PURG: variants seen among roughly 807,000 people sequenced by gnomAD.
PURG encodes the protein purine-rich element-binding protein gamma.
Under a neutral mutation model 24.3 loss-of-function variants are expected in PURG, and 3 were observed. That is an observed-to-expected ratio of 0.12 (90% CI 0.06 to 0.32). PURG has a LOEUF of 0.32. PURG is among the 10% of genes least tolerant of loss of function. The pLI, the probability that PURG is intolerant of heterozygous loss-of-function variation, is 1.00. For missense variants in PURG, 371 were observed against 439.1 expected (o/e 0.84, Z 1.39); for synonymous variants, 180 against 173.1 (o/e 1.04, Z -0.31).
intron 1 of PURG, among the ~76,000 whole-genome samples, chr8:31,009,802 AC>A (rs1368766052): frequency 1.3e-5 from 2 of 152,162 alleles, no homozygotes; most frequent in Non-Finnish European, 2.9e-5. Flanking sequence ...ATTTCATAAA[AC>A]CTGGATCATT....
intron 1 of PURG, among the ~76,000 whole-genome samples, chr8:31,012,749 G>C (rs564295069): frequency 6.6e-6 from 1 of 152,356 alleles, no homozygotes; most frequent in African/African-American, 2.4e-5. Context: ...AGAAGGCATA[G>C]AGCCAAGGCT....
At position 31,032,158 on chromosome 8, in the gene PURG, T is replaced by A; in HGVS notation, c.625A>T (p.Ile209Leu). 1 of 1,614,216 alleles carries A rather than the reference T, an allele frequency of 6.2e-7. No individual in the cohort carries two copies. Among genetic ancestry groups the A allele is most frequent in the Non-Finnish European group, 8.5e-7 (1 of 1,180,026 alleles). The part of the protein sequence containing the change: ...RQTMMRGTGM[I>L]GYFGHSLGQE... Reference sequence around the variant, plus strand: ...CCCAAACTGTGGCCAAAATAACCTATCATGCCAGTCCCCCGCATCATGGTT... The same window carrying A: ...CCCAAACTGTGGCCAAAATAACCTAACATGCCAGTCCCCCGCATCATGGTT... The change falls in exon 2 of 2, where the codon ATA becomes TTA. Residue 209 changes from isoleucine (I) to leucine (L), a missense_variant. Coordinates refer to ENST00000523392, the MANE Select transcript of PURG (RefSeq NM_001323311.2). The surrounding 1 kb of genome is among the most constrained non-coding windows in gnomAD (Gnocchi z 5.9).
Position 31,016,588 on chromosome 8 carries a change from A to C in PURG, c.864+15331T>G, listed in dbSNP as rs1350449309. On this transcript the variant is annotated intron_variant, in intron 1 of 1. Coordinates refer to the PURG transcript ENST00000339382. ...TGCAAGTCTACCAAGAACCAAAAAAAAAAAAAAAAAAAAAAAAAAAAGAAA... is the reference window on the plus strand; with the variant it reads ...TGCAAGTCTACCAAGAACCAAAAAACAAAAAAAAAAAAAAAAAAAAAGAAA... Among the ~76,000 whole-genome samples the C allele has an allele frequency of 2.4e-4, 33 of 139,622 alleles. 1 individual carries two copies. Among genetic ancestry groups the C allele is most frequent in the South Asian group, 2.0e-3 (9 of 4,588 alleles). 91.6% of individuals were successfully genotyped at this position (139,622 alleles called of 152,430 possible).
rs116569481 is a variant in PURG, at chr8:31,002,203, C to T, written c.865-5506G>A. On this transcript the variant is annotated intron_variant, in intron 1 of 1. Coordinates refer to the PURG transcript ENST00000339382. ...GAAATTAGGGCAGGAAAGCTAAGAC[C>T]TGTAAAAAGATAATAATTATATTGA... Among the ~76,000 whole-genome samples the T allele has an allele frequency of 1.5e-3, 227 of 152,166 alleles. 1 individual carries two copies. The highest frequency in any genetic ancestry group is 5.2e-3 in the African/African-American group (214 of 41,506).
chr8:31,018,383 C>T (rs569399495), intron 1 of PURG, among the ~76,000 whole-genome samples: 27 of 152,272 alleles, frequency 1.8e-4, no homozygotes, highest in African/African-American at 6.3e-4. Context: ...TTATTAATTC[C>T]CTTTATGCAT....
intron 1 of PURG, among the ~76,000 whole-genome samples, chr8:31,021,666 T>C (rs1346125909): frequency 3.3e-5 from 5 of 152,156 alleles, no homozygotes; most frequent in Admixed American, 2.0e-4. Context: ...GAAAGGCAGT[T>C]TGGCCTAACT....
chr8:31,002,110 G>A (rs1311839758), intron 1 of PURG, among the ~76,000 whole-genome samples: 1 of 152,198 alleles, frequency 6.6e-6, no homozygotes, highest in African/African-American at 2.4e-5. Context: ...GACTATCAGA[G>A]GGAATGAAAA....
intron 1 of PURG, among the ~76,000 whole-genome samples, chr8:31,012,779 T>G (rs1197962004): frequency 6.6e-6 from 1 of 152,184 alleles, no homozygotes; most frequent in African/African-American, 2.4e-5. Context: ...CAGTGCATCA[T>G]CTCCATATCA....
intron 1 of PURG, among the ~76,000 whole-genome samples, chr8:31,023,992 T>C (rs1397831714): frequency 6.6e-6 from 1 of 152,144 alleles, no homozygotes; most frequent in Non-Finnish European, 1.5e-5. Context: ...AAAAAAGCAA[T>C]GCTCCTTCCA....
chr8:31,020,389 G>A (rs1810969883), intron 1 of PURG, among the ~76,000 whole-genome samples: 1 of 152,128 alleles, frequency 6.6e-6, no homozygotes, highest in African/African-American at 2.4e-5. Flanking sequence ...GGTCTTTTAA[G>A]TCCTAATATT....
chr8:30,998,965 A>C (rs1420405158), intron 1 of PURG, among the ~76,000 whole-genome samples: 1 of 151,898 alleles, frequency 6.6e-6, no homozygotes, highest in Middle Eastern at 3.2e-3. Context: ...CCAACACCTA[A>C]AGTTAAACAT....
rs1231061087 is a variant in PURG, at chr8:31,033,182, C to T, written c.-111G>A. On this transcript the variant is annotated 5_prime_UTR_variant, in exon 1 of 2. Transcript: ENST00000523392. Reference sequence around the variant, plus strand: ...TGCAGCCGCCGCAGCCGCCGCCCCCCGCCTCCTCCCCCGCCGCCGCCGCTC... The same window carrying T: ...TGCAGCCGCCGCAGCCGCCGCCCCCTGCCTCCTCCCCCGCCGCCGCCGCTC... The T allele has an allele frequency of 1.9e-5, 4 of 205,580 alleles. No homozygotes were observed. The highest frequency in any genetic ancestry group is 3.3e-4 in the South Asian group (2 of 6,108). 12.7% of individuals were successfully genotyped at this position (205,580 alleles called of 1,614,324 possible). A position where few individuals can be genotyped will look rare whatever the true frequency, so the allele number is the denominator to read the frequency against.
In PURG at chr8:31,019,421, C is replaced by T. The variant is rs541037273; in HGVS notation, c.864+12498G>A. Among the ~76,000 whole-genome samples, 10 of 140,732 alleles carry T rather than the reference C, an allele frequency of 7.1e-5. No homozygotes were observed. In the East Asian group the frequency reaches 1.8e-3, roughly 25 times the overall value. The allele number at this position is 140,732 out of a possible 152,430, so 92.3% of individuals were successfully genotyped here. A position where few individuals can be genotyped will look rare whatever the true frequency, so the allele number is the denominator to read the frequency against. On this transcript the variant is annotated intron_variant, in intron 1 of 1. Coordinates refer to the PURG transcript ENST00000339382. ...CAATCTTGGCTCACTGCAATCTCCACTTCCTGTGTTCAAGTGATTCTCCTG... is the reference window on the plus strand; with the variant it reads ...CAATCTTGGCTCACTGCAATCTCCATTTCCTGTGTTCAAGTGATTCTCCTG...
chr8:31,016,581 C>CAAAAAAAAAAAAAAAAAAAAAA (rs11433207), intron 1 of PURG, among the ~76,000 whole-genome samples: 2 of 57,530 alleles, frequency 3.5e-5, no homozygotes, highest in African/African-American at 7.3e-5. Flanking sequence ...TACCAAGAAC[C>CAAAAAAAAAAAAAAAAAAAAAA]AAAAAAAAAA....
In PURG at chr8:31,031,788, C is replaced by G. The variant is rs1341686402; in HGVS notation, c.995G>C (p.Arg332Thr). ...RKICNSHKEKRMDGRKASGEE... is the reference protein window; with the variant it reads ...RKICNSHKEKTMDGRKASGEE... ...ACCACTGGCCTTTCTGCCATCCATT[C>G]TCTTTTCTTTATGGCTGTTGCAAAT... Residue 332 changes from arginine (R) to threonine (T), a missense_variant, in exon 2 of 2, where the codon AGA becomes ACA. Coordinates refer to ENST00000523392, the MANE Select transcript of PURG (RefSeq NM_001323311.2). The G allele has an allele frequency of 5.8e-6, 9 of 1,553,146 alleles. No homozygotes were observed. The highest frequency in any genetic ancestry group is 7.8e-6 in the Non-Finnish European group (9 of 1,147,666).
intron 1 of PURG, among the ~76,000 whole-genome samples, chr8:31,023,117 A>G (rs1377852046): frequency 1.3e-5 from 2 of 152,248 alleles, no homozygotes; most frequent in African/African-American, 4.8e-5. Flanking sequence ...GAAGCAATCA[A>G]GGATTTAAAA....
At chr8:31,002,460 A>G (rs1008927053) in intron 1 of PURG, among the ~76,000 whole-genome samples, 2 of 152,154 alleles carry the variant, frequency 1.3e-5, no homozygotes, top group African/African-American at 4.8e-5. Context: ...TTCTTTTGCA[A>G]TGATACCATG....
chr8:31,031,793 T>C lies in PURG; in HGVS notation c.990A>G (p.Glu330=). The C allele has an allele frequency of 6.4e-7, 1 of 1,553,998 alleles. No individual in the cohort carries two copies. Among genetic ancestry groups the C allele is most frequent in the Non-Finnish European group, 8.7e-7 (1 of 1,148,004 alleles). ...EMRKICNSHK[E]KRMDGRKASG... ...TGGCCTTTCTGCCATCCATTCTCTT[T>C]TCTTTATGGCTGTTGCAAATTTTCC... The change falls in exon 2 of 2, where the codon GAA becomes GAG. Residue 330 remains glutamate (E), a synonymous_variant. Transcript: ENST00000523392.
intron 1 of PURG, among the ~76,000 whole-genome samples, chr8:31,006,785 T>G (rs11779521): frequency 0.38 from 57,841 of 152,090 alleles, 13,004 homozygotes; most frequent in East Asian, 0.69. Flanking sequence ...AATCCATATT[T>G]GTTGACTGAA....
Sources: gnomAD v4.1 joint callset for allele counts (sites outside exome capture counted in the v4.1 genomes callset) on GRCh38, gnomAD v4.1.1 for gene constraint, Gnocchi (gnomAD v3.1) non-coding constraint, MANE v1.5 for transcripts, NCBI Gene and HGNC (gene_info 2026-07-23, HGNC 2026-07-21) for gene names.